NTRK2: variants seen among roughly 807,000 people sequenced by gnomAD.
NTRK2 encodes the protein BDNF/NT-3 growth factors receptor.
In NTRK2, 13 loss-of-function variants were observed where a neutral mutation model predicts 94.5. The observed-to-expected ratio is 0.14, with a 90% CI of 0.09 to 0.22. The LOEUF (loss-of-function observed/expected upper bound fraction) is 0.22. Ranked by LOEUF, NTRK2 falls within the 10% of genes least tolerant of loss-of-function variation. NTRK2 has a pLI of 1.00. For missense variants in NTRK2, 639 were observed against 1,071.2 expected, an observed-to-expected ratio of 0.60 and a Z score of 5.63; for synonymous variants, 372 against 407.4, an observed-to-expected ratio of 0.91 and a Z score of 1.05.
At chr9:84,669,108 A>G (rs2058540976), upstream of NTRK2, among the ~76,000 whole-genome samples, 1 of 152,084 alleles carries the variant, frequency 6.6e-6, no homozygotes, top group African/African-American at 2.4e-5. The surrounding 1 kb of genome is among the most constrained non-coding windows in gnomAD (Gnocchi z 4.1). Context: ...CTCCAAAACC[A>G]CCGATCCCCA....
At chr9:84,918,622 C>G (rs891894422) in intron 14 of NTRK2, among the ~76,000 whole-genome samples, 1 of 152,182 alleles carries the variant, frequency 6.6e-6, no homozygotes, top group Non-Finnish European at 1.5e-5. Context: ...TTAACAAACT[C>G]TTTGCTTTGG....
chr9:85,016,708 G>GA (rs1832266529), intron 17 of NTRK2, among the ~76,000 whole-genome samples: 1 of 152,156 alleles, frequency 6.6e-6, no homozygotes, highest in Admixed American at 6.5e-5. Context: ...AAAATTCTGA[G>GA]AAAGGGTTGC....
chr9:84,994,181 T>C (rs532671234), intron 17 of NTRK2, among the ~76,000 whole-genome samples: 10 of 152,316 alleles, frequency 6.6e-5, no homozygotes, highest in African/African-American at 2.4e-4. Context: ...TTTCTTCTAA[T>C]TCTAAACACA....
intron 17 of NTRK2, among the ~76,000 whole-genome samples, chr9:84,986,410 T>A (rs117914415): frequency 0.011 from 1,693 of 152,296 alleles, 14 homozygotes; most frequent in Non-Finnish European, 0.018. Context: ...ATCCCTCACA[T>A]GCACAGTTCA....
In NTRK2 at chr9:85,024,215, C is replaced by T. The variant is rs950256744; in HGVS notation, c.*2778C>T. 2.2e-5 allele frequency: 5 copies of T among 231,902 alleles called. No individual in the cohort carries two copies. The highest frequency in any genetic ancestry group is 6.6e-5 in the African/African-American group (3 of 45,270). 14.4% of individuals were successfully genotyped at this position (231,902 alleles called of 1,614,324 possible). ...TCAGATTGCTTTTAAAGTAGCTGAA[C>T]GAGCCACAGAATATCTGAAATTATT... On this transcript the variant is annotated 3_prime_UTR_variant, in exon 19 of 19. Coordinates refer to ENST00000277120, the MANE Select transcript of NTRK2 (RefSeq NM_006180.6).
chr9:84,706,547 T>TTTTTTTTTTGG (rs2061102939), intron 4 of NTRK2, among the ~76,000 whole-genome samples: 1 of 145,124 alleles, frequency 6.9e-6, no homozygotes, highest in African/African-American at 2.6e-5. Context: ...TTTTTTTTTT[T>TTTTTTTTTTGG]GAGACGGAGT....
At chr9:84,807,066 TTAGA>T (rs2071205090) in intron 12 of NTRK2, among the ~76,000 whole-genome samples, 1 of 152,350 alleles carries the variant, frequency 6.6e-6, no homozygotes, top group South Asian at 2.1e-4. Flanking sequence ...ATTTGCTTTT[TTAGA>T]TAGCAGCTGC....
chr9:84,716,101 C>T (rs1453122944), intron 6 of NTRK2, among the ~76,000 whole-genome samples: 1 of 152,244 alleles, frequency 6.6e-6, no homozygotes, highest in South Asian at 2.1e-4. Flanking sequence ...ATAATAGTCC[C>T]ACAGTGAATA....
chr9:84,974,996 G>A (rs569537605), intron 17 of NTRK2, among the ~76,000 whole-genome samples: 2 of 152,148 alleles, frequency 1.3e-5, no homozygotes, highest in African/African-American at 2.4e-5. Flanking sequence ...TCCTGGTGCC[G>A]CCTGGGGCTG....
intron 12 of NTRK2, among the ~76,000 whole-genome samples, chr9:84,779,874 T>G (rs535672843): frequency 3.9e-5 from 6 of 152,284 alleles, no homozygotes; most frequent in Admixed American, 1.3e-4. Context: ...GTATTCCTGT[T>G]TACTTCTGAT....
chr9:84,741,729 G>A (rs1406961296), intron 9 of NTRK2, among the ~76,000 whole-genome samples, 163 bp from the exon 10 acceptor site: 1 of 152,144 alleles, frequency 6.6e-6, no homozygotes, highest in Non-Finnish European at 1.5e-5. Context: ...AGTTAATGTG[G>A]AACAACTCAA....
intron 12 of NTRK2, among the ~76,000 whole-genome samples, chr9:84,855,707 T>C (rs891927348): frequency 2.6e-5 from 4 of 151,892 alleles, no homozygotes; most frequent in Non-Finnish European, 1.5e-5. Flanking sequence ...GAAGGAAAGA[T>C]AGCTCAGCAT....
Position 84,706,521 on chromosome 9 carries a change from G to GTTTTTTTTTTTT in NTRK2, c.360-1318_360-1317insTTTTTTTTTTTT, listed in dbSNP as rs1173199220. ...TCAGATCTCATGTGTGTTATTTTTT[G>GTTTTTTTTTTTT]TTTTTGTTTTTTTTTTTTTTTTTTT... On this transcript the variant is annotated intron_variant, in intron 4 of 18. Transcript: ENST00000277120. Among the ~76,000 whole-genome samples the GTTTTTTTTTTTT allele has an allele frequency of 1.2e-3, 115 of 95,368 alleles. 11 individuals are homozygous for GTTTTTTTTTTTT. Among genetic ancestry groups the GTTTTTTTTTTTT allele is most frequent in the African/African-American group, 2.6e-3 (63 of 24,018 alleles). The allele number at this position is 95,368 out of a possible 152,430, so 62.6% of individuals were successfully genotyped here.
intron 12 of NTRK2, among the ~76,000 whole-genome samples, chr9:84,798,832 A>C (rs1425407962): frequency 6.6e-6 from 1 of 151,468 alleles, no homozygotes; most frequent in Non-Finnish European, 1.5e-5. Flanking sequence ...TCAAGGACAA[A>C]AGCTGAGACC....
intron 16 of NTRK2, among the ~76,000 whole-genome samples, chr9:84,952,573 T>C (rs1384927777): frequency 1.3e-5 from 2 of 152,248 alleles, no homozygotes; most frequent in East Asian, 3.8e-4. Flanking sequence ...GTTATTTCTG[T>C]TCCTCTTAAG....
Position 85,023,148 on chromosome 9 carries a change from C to T in NTRK2, c.*1711C>T, listed in dbSNP as rs184696376. On this transcript the variant is annotated 3_prime_UTR_variant, in exon 19 of 19. Coordinates refer to ENST00000277120, the MANE Select transcript of NTRK2 (RefSeq NM_006180.6). ...TCATTGGTTTTGCAAAAAGAGGGCT[C>T]AAATTTAAATAGAAATTTACAGCTA... The T allele has an allele frequency of 1.3e-5, 3 of 233,056 alleles. No individual in the cohort carries two copies. The Admixed American group carries it at 1.7e-4, about 13-fold the overall frequency. 14.4% of individuals were successfully genotyped at this position (233,056 alleles called of 1,614,324 possible). A position where few individuals can be genotyped will look rare whatever the true frequency, so the allele number is the denominator to read the frequency against.
intron 12 of NTRK2, among the ~76,000 whole-genome samples, chr9:84,759,650 G>A (rs1050617647): frequency 2.0e-5 from 3 of 152,210 alleles, no homozygotes; most frequent in African/African-American, 4.8e-5. Flanking sequence ...TAACCTTGGG[G>A]GGAATTTGCT....
intron 17 of NTRK2, among the ~76,000 whole-genome samples, chr9:84,979,221 C>A (rs1178027632): frequency 6.6e-6 from 1 of 152,182 alleles, no homozygotes; most frequent in Non-Finnish European, 1.5e-5. Context: ...CAATGGAGAA[C>A]CTTCTGGAAC....
chr9:84,810,816 C>T, intron 12 of NTRK2: 1 of 1,359,530 alleles, frequency 7.4e-7, no homozygotes, highest in East Asian at 2.6e-5. Context: ...AGCAGCACCT[C>T]AAGAAAACAT....
Sources: allele counts gnomAD v4.1 joint callset (sites outside exome capture counted in the v4.1 genomes callset), GRCh38; gene constraint gnomAD v4.1.1; non-coding constraint Gnocchi (gnomAD v3.1); transcripts MANE v1.5; gene names NCBI Gene and HGNC (gene_info 2026-07-23, HGNC 2026-07-21).